The following WWOX variants were observed in gnomAD, a reference collection of about 807,000 sequenced individuals.
WWOX encodes the protein WW domain-containing oxidoreductase.
WWOX carries 69 observed loss-of-function variants against 46.2 expected under a neutral mutation model. The observed-to-expected ratio is 1.49, with a 90% CI of 1.23 to 1.82. The LOEUF (loss-of-function observed/expected upper bound fraction) is 1.82. WWOX is among the 40% of genes most tolerant of loss of function. The probability of loss-of-function intolerance (pLI) is 0.00; values close to 1 mark genes in which losing one functional copy is unlikely to be tolerated. For synonymous variants in WWOX, 359 were observed against 202.6 expected (o/e 1.77, Z -6.56); for missense variants, 919 against 542.6 (o/e 1.69, Z -6.89).
chr16:78,742,629 G>A (rs1229007773), intron 8 of WWOX, among the ~76,000 whole-genome samples: 1 of 152,170 alleles, frequency 6.6e-6, no homozygotes. Context: ...CTTTGCCCTG[G>A]CTGCGCTGGT....
chr16:78,954,115 T>TG (rs2046117371), intron 8 of WWOX, among the ~76,000 whole-genome samples: 1 of 152,208 alleles, frequency 6.6e-6, no homozygotes. Context: ...TTTTTCTTTT[T>TG]TAAATTGTTA....
At chr16:79,071,846 A>G (rs1474533269) in intron 8 of WWOX, among the ~76,000 whole-genome samples, 1 of 152,130 alleles carries the variant, frequency 6.6e-6, no homozygotes, top group Non-Finnish European at 1.5e-5. Flanking sequence ...TTCTCTGGAG[A>G]CAATGGTCAG....
intron 5 of WWOX, among the ~76,000 whole-genome samples, chr16:78,207,779 A>G (rs1208478237): frequency 4.2e-5 from 6 of 143,708 alleles, no homozygotes; most frequent in African/African-American, 7.8e-5. Context: ...AAAAAAAAAA[A>G]GGGTCTGTTA....
At chr16:78,613,733 C>T (rs887554510) in intron 8 of WWOX, among the ~76,000 whole-genome samples, 1 of 152,090 alleles carries the variant, frequency 6.6e-6, no homozygotes, top group African/African-American at 2.4e-5. Context: ...ACTTTCCAGC[C>T]GAGAATGCTT....
chr16:78,112,732 C>A (rs1191822769), intron 3 of WWOX, among the ~76,000 whole-genome samples: 2 of 118,946 alleles, frequency 1.7e-5, no homozygotes, highest in Non-Finnish European at 3.4e-5. Flanking sequence ...GGGTCTTGCT[C>A]TTCTTATCCA....
chr16:78,751,196 G>A (rs540506806), intron 8 of WWOX, among the ~76,000 whole-genome samples: 1 of 152,050 alleles, frequency 6.6e-6, no homozygotes, highest in East Asian at 1.9e-4. Flanking sequence ...AAAGACAGAT[G>A]TATTTAATTT....
rs1418740488 is a variant in WWOX at position 78,735,418 on chromosome 16, C to CACACACA, written c.1056+302667_1056+302673dup. Among the ~76,000 whole-genome samples, 72 of 151,666 alleles carry CACACACA rather than the reference C, an allele frequency of 4.7e-4. 1 individual carries two copies. The highest frequency in any genetic ancestry group is 1.7e-3 in the African/African-American group (70 of 41,158). On this transcript the variant is annotated intron_variant, in intron 8 of 8. Coordinates refer to ENST00000566780, the MANE Select transcript of WWOX (RefSeq NM_016373.4). ...AAACACACACACACACACACACACA[C>CACACACA]ACACACACTAATATGGTTCTGATTC...
At chr16:79,052,438 A>C (rs1317769667) in intron 8 of WWOX, among the ~76,000 whole-genome samples, 2 of 152,172 alleles carry the variant, frequency 1.3e-5, no homozygotes, top group Non-Finnish European at 2.9e-5. Context: ...CTGGGTGTAT[A>C]CCCAAAGGAC....
At chr16:78,140,308 A>G (rs2033942876) in intron 4 of WWOX, among the ~76,000 whole-genome samples, 1 of 152,146 alleles carries the variant, frequency 6.6e-6, no homozygotes, top group African/African-American at 2.4e-5. Flanking sequence ...AGGCTCTCTG[A>G]TGGGACTATA....
rs57754374 is a variant in WWOX, at chr16:78,455,643, CAAAAAAAAA to C, written c.1056+22910_1056+22918del. ...GGGTTAACAGAGCAAGACTCTGTCT[CAAAAAAAAA>C]AAAAAAAAAAAAAAAAAATCAAAAT... On this transcript the variant is annotated intron_variant, in intron 8 of 8. Transcript: ENST00000566780. Among the ~76,000 whole-genome samples the C allele has an allele frequency of 1.9e-3, 112 of 60,528 alleles. 1 individual carries two copies. In the East Asian group the frequency reaches 0.019, roughly 10 times the overall value. 39.7% of individuals were successfully genotyped at this position (60,528 alleles called of 152,430 possible).
intron 5 of WWOX, among the ~76,000 whole-genome samples, chr16:78,197,709 C>G (rs1481732545): frequency 1.3e-5 from 2 of 152,082 alleles, no homozygotes; most frequent in African/African-American, 4.8e-5. Flanking sequence ...TGATTTCATC[C>G]TTTAATAACC....
intron 8 of WWOX, among the ~76,000 whole-genome samples, chr16:78,795,806 T>G (rs181731486): frequency 1.6e-3 from 246 of 152,312 alleles, no homozygotes; most frequent in African/African-American, 5.8e-3. Context: ...TGGAATGAGA[T>G]ATTGAGTATA....
chr16:78,745,843 G>A (rs542460811), intron 8 of WWOX, among the ~76,000 whole-genome samples: 1 of 151,868 alleles, frequency 6.6e-6, no homozygotes, highest in Non-Finnish European at 1.5e-5. Context: ...AAAATGGTTG[G>A]TGTAGATCAT....
chr16:78,200,396 AAG>A (rs1264643428), intron 5 of WWOX, among the ~76,000 whole-genome samples: 1 of 151,462 alleles, frequency 6.6e-6, no homozygotes, highest in East Asian at 1.9e-4. Context: ...AGGAATAAAA[AAG>A]AGAGAAAAGG....
chr16:78,654,988 C>T (rs1207139750), intron 8 of WWOX, among the ~76,000 whole-genome samples: 1 of 152,164 alleles, frequency 6.6e-6, no homozygotes, highest in South Asian at 2.1e-4. Flanking sequence ...AGCACCACCA[C>T]ATCCAAATGT....
intron 8 of WWOX, among the ~76,000 whole-genome samples, chr16:78,487,286 A>G (rs569007595): frequency 2.0e-5 from 3 of 152,038 alleles, no homozygotes; most frequent in South Asian, 4.2e-4. Context: ...CTGAATGACT[A>G]AAGCAGAGAT....
chr16:78,468,293 G>C (rs923770538), intron 8 of WWOX, among the ~76,000 whole-genome samples: 1 of 148,232 alleles, frequency 6.7e-6, no homozygotes, highest in African/African-American at 2.5e-5. Context: ...AAACTTCATG[G>C]TGAGCAGAAC....
At chr16:78,415,268 T>C (rs1272106719) in intron 6 of WWOX, among the ~76,000 whole-genome samples, 1 of 152,088 alleles carries the variant, frequency 6.6e-6, no homozygotes, top group African/African-American at 2.4e-5. Flanking sequence ...GTCATGGTGC[T>C]GGTGGGAGTG....
At chr16:78,316,517 A>AT (rs924806497) in intron 5 of WWOX, among the ~76,000 whole-genome samples, 2 of 151,874 alleles carry the variant, frequency 1.3e-5, no homozygotes, top group South Asian at 2.1e-4. Flanking sequence ...TAATTTTGGT[A>AT]TTTTTAATAG....
Sources: gnomAD v4.1 joint callset for allele counts (sites outside exome capture counted in the v4.1 genomes callset) on GRCh38, gnomAD v4.1.1 for gene constraint, MANE v1.5 for transcripts, NCBI Gene and HGNC (gene_info 2026-07-23, HGNC 2026-07-21) for gene names.